The following SRGAP3 variants were observed in gnomAD, a reference collection of about 807,000 sequenced individuals.
SRGAP3 encodes the protein SLIT-ROBO Rho GTPase activating protein 3.
SRGAP3 carries 39 observed loss-of-function variants against 121.1 expected under a neutral mutation model. That is an observed-to-expected ratio of 0.32 (90% CI 0.25 to 0.42). The LOEUF is 0.42. Among genes scored for constraint, SRGAP3 ranks in the 10% least tolerant of loss-of-function variants. The pLI, the probability that SRGAP3 is intolerant of heterozygous loss-of-function variation, is 1.00. For missense variants in SRGAP3, 1,213 were observed against 1,470.6 expected, an observed-to-expected ratio of 0.82 and a Z score of 2.86; for synonymous variants, 601 against 570.0, an observed-to-expected ratio of 1.05 and a Z score of -0.77.
intron 4 of SRGAP3, among the ~76,000 whole-genome samples, chr3:9,075,341 T>C (rs2669993): frequency 1.3e-5 from 2 of 152,144 alleles, no homozygotes; most frequent in East Asian, 3.9e-4. Context: ...TGCTAGTGTG[T>C]GGTGCATGTC....
intron 1 of SRGAP3, among the ~76,000 whole-genome samples, chr3:9,215,339 C>A (rs1364219596): frequency 6.7e-6 from 1 of 150,228 alleles, no homozygotes; most frequent in Non-Finnish European, 1.5e-5. Flanking sequence ...TTTCCAAAGC[C>A]CTCACTTTAC....
chr3:9,213,897 G>A (rs532854359), intron 1 of SRGAP3, among the ~76,000 whole-genome samples: 1 of 152,154 alleles, frequency 6.6e-6, no homozygotes, highest in East Asian at 1.9e-4. Flanking sequence ...CTGCTTCCCA[G>A]GCCTGGATTC....
chr3:9,293,590 G>A (rs1036361883), intron 3 of SRGAP3, among the ~76,000 whole-genome samples: 4 of 152,116 alleles, frequency 2.6e-5, no homozygotes, highest in African/African-American at 9.6e-5. Context: ...CCATGCATCC[G>A]ACAAAGGTTT....
chr3:8,992,592 G>T, intron 20 of SRGAP3: 1 of 473,222 alleles, frequency 2.1e-6, no homozygotes. Context: ...GGAGGTGCAG[G>T]AACTGGACAC....
chr3:9,297,895 C>CAA (rs570161721), intron 3 of SRGAP3, among the ~76,000 whole-genome samples: 28 of 120,312 alleles, frequency 2.3e-4, no homozygotes, highest in Non-Finnish European at 3.9e-4. Context: ...GACTCAGTCT[C>CAA]AAAAAAAAAA....
intron 1 of SRGAP3, among the ~76,000 whole-genome samples, chr3:9,214,182 C>A (rs191532559): frequency 1.4e-5 from 2 of 144,086 alleles, no homozygotes; most frequent in Admixed American, 1.4e-4. Flanking sequence ...ATTTCCCACA[C>A]GATCACTGGT....
chr3:9,285,841 C>T (rs1450915056), intron 3 of SRGAP3, among the ~76,000 whole-genome samples: 2 of 151,752 alleles, frequency 1.3e-5, no homozygotes, highest in African/African-American at 4.8e-5. Context: ...GGTGCAATAG[C>T]TCACTCCTGT....
At chr3:9,313,150 G>T (rs536772316) in intron 3 of SRGAP3, among the ~76,000 whole-genome samples, 11 of 152,046 alleles carry the variant, frequency 7.2e-5, no homozygotes, top group Non-Finnish European at 1.2e-4. Flanking sequence ...TCCCAAACTG[G>T]CTTCCTTGCT....
chr3:9,221,400 G>A (rs770598412), intron 1 of SRGAP3, among the ~76,000 whole-genome samples: 4 of 152,172 alleles, frequency 2.6e-5, no homozygotes, highest in Admixed American at 1.3e-4. Flanking sequence ...CAGGCCTGGT[G>A]GTGGTGCACG....
intron 3 of SRGAP3, among the ~76,000 whole-genome samples, chr3:9,101,457 G>A (rs1046749911): frequency 9.2e-5 from 14 of 152,244 alleles, no homozygotes; most frequent in Admixed American, 5.9e-4. Context: ...CGTGACCCGT[G>A]CTGGACCAAT....
chr3:9,145,756 T>C (rs981597324), intron 1 of SRGAP3, among the ~76,000 whole-genome samples: 1 of 152,030 alleles, frequency 6.6e-6, no homozygotes, highest in Admixed American at 6.6e-5. Flanking sequence ...GGGGAGATGG[T>C]AGGAACTAAA....
intron 3 of SRGAP3, among the ~76,000 whole-genome samples, chr3:9,267,817 T>C (rs1450709954): frequency 6.6e-6 from 1 of 152,132 alleles, no homozygotes; most frequent in Non-Finnish European, 1.5e-5. Flanking sequence ...ATTATAATAA[T>C]GGGAATAACA....
At position 9,081,330 on chromosome 3, in the gene SRGAP3, C is replaced by A. The variant is rs566676275; in HGVS notation, c.424-1243G>T. On this transcript the variant is annotated intron_variant, in intron 3 of 21. Transcript: ENST00000383836. ...CTTCCAATGAGGAACAGGAGAAGTA[C>A]AGGTTGGCAGAAAGGCCTCTGGGGC... The A allele has an allele frequency of 8.0e-4, 366 of 454,860 alleles. 3 individuals are homozygous for A. The highest frequency in any genetic ancestry group is 5.2e-3 in the Middle Eastern group (16 of 3,072). 28.2% of individuals were successfully genotyped at this position (454,860 alleles called of 1,614,324 possible).
chr3:9,244,115 T>G (rs1175679959), intron 1 of SRGAP3, among the ~76,000 whole-genome samples: 2 of 152,230 alleles, frequency 1.3e-5, no homozygotes, highest in Non-Finnish European at 2.9e-5. Context: ...CCTAAGGTGA[T>G]CTTCTAATCA....
chr3:9,308,507 T>C (rs1955193771), intron 3 of SRGAP3, among the ~76,000 whole-genome samples: 1 of 152,174 alleles, frequency 6.6e-6, no homozygotes, highest in Non-Finnish European at 1.5e-5. Flanking sequence ...TTAACAAAGG[T>C]AGCAATTATC....
At chr3:9,055,596 G>A (rs1172500757) in intron 8 of SRGAP3, among the ~76,000 whole-genome samples, 1 of 152,172 alleles carries the variant, frequency 6.6e-6, no homozygotes. Context: ...CCTGTTCCTT[G>A]GAGCTCAGAA....
chr3:9,036,601 C>A (rs1944757289), intron 11 of SRGAP3: 1 of 148,902 alleles, frequency 6.7e-6, no homozygotes, highest in Admixed American at 6.7e-5. Flanking sequence ...AACACACAAA[C>A]CCTCAACTTT....
chr3:9,037,997 C>G, intron 11 of SRGAP3, 66 bp downstream of exon 11: 1 of 1,606,826 alleles, frequency 6.2e-7, no homozygotes, highest in South Asian at 1.1e-5. Flanking sequence ...GGCAGTGCCT[C>G]CCCAGCCCCA....
chr3:9,023,842 C>G (rs962316570), intron 14 of SRGAP3, among the ~76,000 whole-genome samples: 2 of 152,132 alleles, frequency 1.3e-5, no homozygotes, highest in Admixed American at 6.6e-5. Flanking sequence ...CTCCCCTAGA[C>G]CCCAGAAGGC....
Sources: gnomAD v4.1 joint callset for allele counts (sites outside exome capture counted in the v4.1 genomes callset) on GRCh38, gnomAD v4.1.1 for gene constraint, MANE v1.5 for transcripts, NCBI Gene and HGNC (gene_info 2026-07-23, HGNC 2026-07-21) for gene names.